SMURF2: variants seen among roughly 807,000 people sequenced by gnomAD.
The protein encoded by SMURF2 is E3 ubiquitin-protein ligase SMURF2.
In SMURF2, 48 loss-of-function variants were observed where a neutral mutation model predicts 109.6. That is an observed-to-expected ratio of 0.44 (90% CI 0.35 to 0.56). SMURF2 has a LOEUF of 0.56. SMURF2 is among the 20% of genes least tolerant of loss of function. The pLI is 0.01. For missense variants in SMURF2, 575 were observed against 909.0 expected (o/e 0.63, Z 4.72); for synonymous variants, 288 against 317.1 (o/e 0.91, Z 0.97).
At position 64,662,047 on chromosome 17, in the gene SMURF2, G is replaced by A. The variant is rs1317330247; in HGVS notation, c.-167C>T. 7 of 1,113,710 alleles carry A rather than the reference G, an allele frequency of 6.3e-6. No homozygotes were observed. The highest frequency in any genetic ancestry group is 7.7e-6 in the Non-Finnish European group (7 of 912,582). The allele number at this position is 1,113,710 out of a possible 1,614,324, so 69.0% of individuals were successfully genotyped here. A position where few individuals can be genotyped will look rare whatever the true frequency, so the allele number is the denominator to read the frequency against. ...AGAGTCGTCGCCATGAGCCGCGGAG[G>A]GAGCGGGACGCCGAGCTCCCCCCTC... On this transcript the variant is annotated 5_prime_UTR_variant, in exon 1 of 19. Transcript: ENST00000262435.
chr17:64,565,018 ACTT>A (rs1969280042), intron 10 of SMURF2, among the ~76,000 whole-genome samples: 1 of 152,202 alleles, frequency 6.6e-6, no homozygotes. Context: ...GTATATCAAA[ACTT>A]AAACTGTACA....
chr17:64,656,085 A>G (rs1308600758), intron 1 of SMURF2, among the ~76,000 whole-genome samples: 1 of 152,246 alleles, frequency 6.6e-6, no homozygotes, highest in Non-Finnish European at 1.5e-5. Context: ...TGCAGGGGAA[A>G]TAGTTTATTA....
chr17:64,553,699 A>G (rs1252654233), intron 15 of SMURF2, among the ~76,000 whole-genome samples: 1 of 152,206 alleles, frequency 6.6e-6, no homozygotes, highest in East Asian at 1.9e-4. Flanking sequence ...TTTCACAAGT[A>G]GCATTTAATT....
intron 16 of SMURF2, among the ~76,000 whole-genome samples, chr17:64,549,403 A>G (rs1007833915): frequency 6.6e-6 from 1 of 151,642 alleles, no homozygotes; most frequent in Non-Finnish European, 1.5e-5. Flanking sequence ...GGATCATGGT[A>G]CTGCACTCCA....
intron 1 of SMURF2, among the ~76,000 whole-genome samples, chr17:64,647,521 T>G (rs1304490982): frequency 1.3e-5 from 2 of 151,808 alleles, no homozygotes; most frequent in Non-Finnish European, 2.9e-5. Flanking sequence ...CTACTAAAAA[T>G]ACAACAATTA....
intron 12 of SMURF2, among the ~76,000 whole-genome samples, chr17:64,559,332 A>G (rs1969174773): frequency 6.6e-6 from 1 of 152,194 alleles, no homozygotes; most frequent in South Asian, 2.1e-4. Flanking sequence ...TCGGTGGCTC[A>G]TGACTGTAAT....
chr17:64,652,844 T>C (rs1319561189), intron 1 of SMURF2, among the ~76,000 whole-genome samples: 2 of 151,896 alleles, frequency 1.3e-5, no homozygotes, highest in African/African-American at 4.8e-5. Context: ...TTTCAACAAA[T>C]AGGGCTACAA....
intron 1 of SMURF2, among the ~76,000 whole-genome samples, chr17:64,639,786 G>C (rs1250219691): frequency 6.6e-6 from 1 of 152,052 alleles, no homozygotes; most frequent in Non-Finnish European, 1.5e-5. Context: ...AGTCACTCAA[G>C]AAATACTTCC....
chr17:64,560,214 G>A (rs1320481678), intron 12 of SMURF2, among the ~76,000 whole-genome samples: 2 of 151,850 alleles, frequency 1.3e-5, no homozygotes, highest in Admixed American at 6.6e-5. Context: ...GTGAGACCCC[G>A]TCTCTAAAAA....
intron 1 of SMURF2, among the ~76,000 whole-genome samples, chr17:64,628,459 A>G (rs1320535861): frequency 6.6e-6 from 1 of 151,972 alleles, no homozygotes; most frequent in Non-Finnish European, 1.5e-5. Flanking sequence ...TCCTGTCAGG[A>G]CTCCTGAATC....
intron 1 of SMURF2, among the ~76,000 whole-genome samples, chr17:64,644,228 C>T (rs782384641): frequency 1.4e-4 from 21 of 152,106 alleles, no homozygotes; most frequent in Non-Finnish European, 2.5e-4. Context: ...AATCCACCTG[C>T]CTCAGCCTTC....
rs1969161304 is a variant in SMURF2 at position 64,558,588 on chromosome 17, A to G, written c.1317-866T>C. Among the ~76,000 whole-genome samples the G allele has an allele frequency of 2.6e-5, 4 of 152,218 alleles. No homozygotes were observed. The South Asian group carries it at 8.3e-4, about 31-fold the overall frequency. Reference sequence around the variant, plus strand: ...TGTATAAACCCTGAAACATACCATGATAAAAATATAAGTGGGCAAGGATTG... The same window carrying G: ...TGTATAAACCCTGAAACATACCATGGTAAAAATATAAGTGGGCAAGGATTG... On this transcript the variant is annotated intron_variant, in intron 12 of 18. Coordinates refer to ENST00000262435, the MANE Select transcript of SMURF2 (RefSeq NM_022739.4).
Position 64,660,720 on chromosome 17 carries a change from C to A in SMURF2, c.52+1109G>T, listed in dbSNP as rs190924085. On this transcript the variant is annotated intron_variant, in intron 1 of 18. Transcript: ENST00000262435. ...CGTGCACGCACACACAAATCCTCTA[C>A]GGAAAATTATCTTTCTCACCACTCA... 8 of 152,294 alleles carry A rather than the reference C, an allele frequency of 5.3e-5. No individual in the cohort carries two copies. The East Asian group carries it at 9.6e-4, about 18-fold the overall frequency. 9.4% of individuals were successfully genotyped at this position (152,294 alleles called of 1,614,324 possible). A position where few individuals can be genotyped will look rare whatever the true frequency, so the allele number is the denominator to read the frequency against.
intron 1 of SMURF2, among the ~76,000 whole-genome samples, chr17:64,613,672 CAGTGTGTGTGTGTGTGTGTGTGTG>C (rs1361099999): frequency 6.0e-4 from 32 of 53,722 alleles, no homozygotes; most frequent in African/African-American, 2.2e-3. Flanking sequence ...TTCCACGGAC[CAGTGTGTGTGTGTGTGTGTGTGTG>C]TGTGTGTGTG....
intron 2 of SMURF2, among the ~76,000 whole-genome samples, chr17:64,602,292 C>T (rs1426243255): frequency 6.6e-6 from 1 of 152,038 alleles, no homozygotes; most frequent in Non-Finnish European, 1.5e-5. Flanking sequence ...TTCATGTAAT[C>T]AAACACCATC....
At chr17:64,637,629 T>C (rs1361979085) in intron 1 of SMURF2, among the ~76,000 whole-genome samples, 2 of 152,072 alleles carry the variant, frequency 1.3e-5, no homozygotes, top group East Asian at 1.9e-4. Flanking sequence ...AATAGTGCGA[T>C]CTTGGCTCAC....
intron 5 of SMURF2, among the ~76,000 whole-genome samples, chr17:64,589,541 AGTGAGTGGCAG>A (rs1335791854): frequency 5.3e-5 from 8 of 151,840 alleles, no homozygotes; most frequent in Non-Finnish European, 8.8e-5. Context: ...GCACAACAGG[AGTGAGTGGCAG>A]GTGAGTGAGC....
At chr17:64,596,692 C>CT (rs1598287280) in intron 3 of SMURF2, among the ~76,000 whole-genome samples, 2 of 150,686 alleles carry the variant, frequency 1.3e-5, no homozygotes, top group East Asian at 3.9e-4. Context: ...CGCAGTGGGT[C>CT]TTAGAGAACC....
chr17:64,558,611 T>C (rs927026061), intron 12 of SMURF2, among the ~76,000 whole-genome samples: 15 of 152,168 alleles, frequency 9.9e-5, no homozygotes, highest in African/African-American at 3.6e-4. Context: ...TGGGCAAGGA[T>C]TGCAAGGCAT....
Sources: gnomAD v4.1 joint callset for allele counts (sites outside exome capture counted in the v4.1 genomes callset) on GRCh38, gnomAD v4.1.1 for gene constraint, MANE v1.5 for transcripts, NCBI Gene and HGNC (gene_info 2026-07-23, HGNC 2026-07-21) for gene names.